SPTA1: variants seen among roughly 807,000 people sequenced by gnomAD.
SPTA1 encodes the protein spectrin alpha chain, erythrocytic 1.
SPTA1 carries 177 observed loss-of-function variants against 324.7 expected under a neutral mutation model. That is an observed-to-expected ratio of 0.55 (90% CI 0.48 to 0.62). SPTA1 has a LOEUF of 0.62. Ranked by LOEUF, SPTA1 falls within the 20% of genes least tolerant of loss-of-function variation. The pLI is 0.00. For synonymous variants in SPTA1, 1,195 were observed against 1,041.3 expected (o/e 1.15, Z -2.84); for missense variants, 3,162 against 2,883.6 (o/e 1.10, Z -2.21).
intron 15 of SPTA1, 117 bp from the exon 16 acceptor site, chr1:158,666,614 A>C: frequency 1.1e-6 from 1 of 910,656 alleles, no homozygotes; most frequent in Non-Finnish European, 1.7e-6. Context: ...CAAAGAGGGA[A>C]ATATAACTGT....
In SPTA1 at chr1:158,683,561, A is replaced by G. The variant is rs912766031; in HGVS notation, c.265-65T>C. ...AGTCTTCATGGGAAATGTTCACTCT[A>G]TGTAAAGCCACCAAACACAGGTTCT... On this transcript the variant is annotated intron_variant, in intron 2 of 51. Transcript: ENST00000643759. 124 of 1,603,108 alleles carry G rather than the reference A, an allele frequency of 7.7e-5. 1 individual carries two copies. Among genetic ancestry groups the G allele is most frequent in the Middle Eastern group, 5.0e-4 (3 of 6,038 alleles).
At chr1:158,634,324 G>C (rs375301458) in intron 39 of SPTA1, among the ~76,000 whole-genome samples, 55 of 152,304 alleles carry the variant, frequency 3.6e-4, no homozygotes, top group African/African-American at 1.3e-3. Context: ...ATTAAGATTT[G>C]AGTCCTGCCT....
In SPTA1 at chr1:158,649,809, T is replaced by C. The variant is rs1475727323; in HGVS notation, c.3569+47A>G. 3 of 1,444,288 alleles carry C rather than the reference T, an allele frequency of 2.1e-6. No homozygotes were observed. In the South Asian group the frequency reaches 3.5e-5, roughly 17 times the overall value. 89.5% of individuals were successfully genotyped at this position (1,444,288 alleles called of 1,614,324 possible). A position where few individuals can be genotyped will look rare whatever the true frequency, so the allele number is the denominator to read the frequency against. On this transcript the variant is annotated intron_variant, in intron 25 of 51. Transcript: ENST00000643759. ...CATAGTAATAGACTTAGAAGTTTAG[T>C]GAGTGGGTTTTAAAGCAGCACTGCT... is the stretch of plus-strand genomic sequence containing the variant.
chr1:158,649,494 C>T (rs1410691562), intron 25 of SPTA1, among the ~76,000 whole-genome samples: 1 of 152,028 alleles, frequency 6.6e-6, no homozygotes, highest in African/African-American at 2.4e-5. Context: ...GCTTTGTTGC[C>T]CAGGTTGGTC....
At chr1:158,667,734 A>C in intron 15 of SPTA1, 124 bp downstream of exon 15, 4 of 1,013,400 alleles carry the variant, frequency 3.9e-6, no homozygotes, top group Non-Finnish European at 4.3e-6. Context: ...AGAAAGACAC[A>C]TGGAAGCAAA....
intron 18 of SPTA1, among the ~76,000 whole-genome samples, chr1:158,659,414 A>C (rs1653042031): frequency 6.6e-6 from 1 of 151,912 alleles, no homozygotes; most frequent in Non-Finnish European, 1.5e-5. Flanking sequence ...TTATATAGTT[A>C]GACTGATTAA....
rs1651368488 is a variant in SPTA1, at chr1:158,639,562, G to A, written c.4980+20C>T. On this transcript the variant is annotated intron_variant, in intron 35 of 51. Transcript: ENST00000643759. Reference sequence around the variant, plus strand: ...ATATTTCTATTCTGCCCAGAGGAGAGGGATGCCAACACTACTTACCTCTCG... The same window carrying A: ...ATATTTCTATTCTGCCCAGAGGAGAAGGATGCCAACACTACTTACCTCTCG... 8.7e-6 allele frequency: 14 copies of A among 1,609,738 alleles called. No individual in the cohort carries two copies. The highest frequency in any genetic ancestry group is 1.2e-5 in the Non-Finnish European group (14 of 1,176,322).
chr1:158,644,499 G>T, intron 29 of SPTA1, 103 bp from the exon 30 acceptor site: 1 of 1,358,518 alleles, frequency 7.4e-7, no homozygotes, highest in Non-Finnish European at 1.0e-6. Context: ...TTTGCAAGGA[G>T]TACTTACCAT....
At chr1:158,664,203 A>G (rs1038826824) in intron 16 of SPTA1, among the ~76,000 whole-genome samples, 2 of 152,230 alleles carry the variant, frequency 1.3e-5, no homozygotes, top group Non-Finnish European at 2.9e-5. Context: ...ATTATAAATC[A>G]TTCTACTATA....
intron 42 of SPTA1, among the ~76,000 whole-genome samples, chr1:158,624,899 G>T (rs1442324174): frequency 6.6e-6 from 1 of 152,212 alleles, no homozygotes; most frequent in Non-Finnish European, 1.5e-5. Flanking sequence ...CCATTGAAAT[G>T]CCTGAAAGGC....
chr1:158,673,367 T>C (rs2101920561), intron 10 of SPTA1, among the ~76,000 whole-genome samples: 1 of 152,298 alleles, frequency 6.6e-6, no homozygotes, highest in Admixed American at 6.5e-5. Flanking sequence ...TTACTGTAAC[T>C]ATCATTCCAA....
At chr1:158,629,041 T>A (rs1650488160) in intron 39 of SPTA1, among the ~76,000 whole-genome samples, 1 of 151,902 alleles carries the variant, frequency 6.6e-6, no homozygotes. Context: ...TCAAAAAATT[T>A]AAGAGGAGGG....
At chr1:158,629,198 T>TATC (rs1198222265) in intron 39 of SPTA1, among the ~76,000 whole-genome samples, 18 of 151,368 alleles carry the variant, frequency 1.2e-4, no homozygotes, top group African/African-American at 3.9e-4. Context: ...TCTATCTATC[T>TATC]ATCTATCTAT....
rs115969715 is a variant in SPTA1, at chr1:158,673,951, A to G, written c.1350+378T>C. 7.9e-3 allele frequency among the ~76,000 whole-genome samples: 1,202 copies of G among 152,338 alleles called. 10 individuals are homozygous for G. Among genetic ancestry groups the G allele is most frequent in the South Asian group, 0.026 (124 of 4,826 alleles). ...AAAATTCCATCTGTACTGAGCATGT[A>G]CAGACTTTTTGCTTATTCCCTAAAT... On this transcript the variant is annotated intron_variant, in intron 10 of 51. Transcript: ENST00000643759.
At chr1:158,648,800 T>C (rs1223196448) in intron 25 of SPTA1, 147 bp from the exon 26 acceptor site, 3 of 859,902 alleles carry the variant, frequency 3.5e-6, no homozygotes, top group Non-Finnish European at 5.5e-6. Flanking sequence ...TTGTTTTTTA[T>C]GTGCTAGAAA....
In SPTA1 at chr1:158,653,350, C is replaced by G. The variant is rs1278115115; in HGVS notation, c.3112G>C (p.Glu1038Gln). 6.2e-7 allele frequency: 1 copy of G among 1,614,132 alleles called. No individual in the cohort carries two copies. Among genetic ancestry groups the G allele is most frequent in the East Asian group, 2.2e-5 (1 of 44,872 alleles). The change falls in exon 22 of 52, where the codon GAG (glutamate) becomes CAG (glutamine). Residue 1038 changes from glutamate to glutamine, a missense_variant. Coordinates refer to ENST00000643759, the MANE Select transcript of SPTA1 (RefSeq NM_003126.4). Reference protein sequence around the residue: ...AVYVRRLAHDEFPMLPQRRRE... With the variant: ...AVYVRRLAHDQFPMLPQRRRE... ...CGCCGCTGTGGGAGCATCGGGAACT[C>G]ATCGTGGGCCAGTCTTCTGACATAG...
At chr1:158,651,077 A>G (rs1652391482) in intron 24 of SPTA1, among the ~76,000 whole-genome samples, 2 of 152,142 alleles carry the variant, frequency 1.3e-5, no homozygotes, top group African/African-American at 4.8e-5. Context: ...TGCTACCAAT[A>G]CTTTTGTCTC....
intron 41 of SPTA1, among the ~76,000 whole-genome samples, chr1:158,626,521 T>C (rs1650283018): frequency 6.6e-6 from 1 of 152,212 alleles, no homozygotes; most frequent in South Asian, 2.1e-4. Context: ...GATTGTTTCT[T>C]AGAACATTTT....
chr1:158,674,668 G>A lies in SPTA1; in HGVS notation c.1120C>T (p.Arg374Ter). The change falls in exon 9 of 52, where the codon CGA (arginine) becomes TGA (stop). Residue 374 changes from arginine to a stop codon, truncating the protein, a stop_gained. Coordinates refer to ENST00000643759, the MANE Select transcript of SPTA1 (RefSeq NM_003126.4). LOFTEE classifies it high-confidence loss of function. ...AGTTCATCAAAGTCAGATGAAAATCGATGGTACCTGTGGGAAAAGTGAGGT... is the reference window on the plus strand; with the variant it reads ...AGTTCATCAAAGTCAGATGAAAATCAATGGTACCTGTGGGAAAAGTGAGGT... Reference protein sequence around the residue: ...EKLQATYWYHRFSSDFDELSG... With the variant: ...EKLQATYWYH 3 of 1,613,718 alleles carry A rather than the reference G, an allele frequency of 1.9e-6. No homozygotes were observed. The highest frequency in any genetic ancestry group is 2.5e-6 in the Non-Finnish European group (3 of 1,179,946).
Sources: gnomAD v4.1 joint callset for allele counts (sites outside exome capture counted in the v4.1 genomes callset) on GRCh38, gnomAD v4.1.1 for gene constraint, MANE v1.5 for transcripts, NCBI Gene and HGNC (gene_info 2026-07-23, HGNC 2026-07-21) for gene names.